CCDC141: variants seen among roughly 807,000 people sequenced by gnomAD.
The protein encoded by CCDC141 is coiled-coil domain containing 141, also known as coiled-coil domain-containing protein 141.
In CCDC141, 168 loss-of-function variants were observed where a neutral mutation model predicts 181.0. That is an observed-to-expected ratio of 0.93 (90% confidence interval 0.82 to 1.05). The LOEUF (loss-of-function observed/expected upper bound fraction) is 1.05, where lower values mean the gene tolerates loss of function less well. Ranked by LOEUF, CCDC141 falls within the 50% of genes least tolerant of loss-of-function variation. The pLI, the probability that CCDC141 is intolerant of heterozygous loss-of-function variation, is 0.00. For synonymous variants in CCDC141, 666 were observed against 642.3 expected, an observed-to-expected ratio of 1.04 and a Z score of -0.56; for missense variants, 1,902 against 1,788.5, an observed-to-expected ratio of 1.06 and a Z score of -1.14.
At chr2:178,867,326 T>C (rs1685898088) in intron 16 of CCDC141, among the ~76,000 whole-genome samples, 1 of 152,156 alleles carries the variant, frequency 6.6e-6, no homozygotes, top group Non-Finnish European at 1.5e-5. Context: ...ACACAAACAA[T>C]TTAAAATTGT....
intron 2 of CCDC141, among the ~76,000 whole-genome samples, chr2:178,989,124 A>T (rs1293705585): frequency 6.6e-6 from 1 of 152,212 alleles, no homozygotes; most frequent in Non-Finnish European, 1.5e-5. Context: ...CCAGTAGCAT[A>T]AGCAACAACA....
intron 7 of CCDC141, among the ~76,000 whole-genome samples, chr2:178,909,599 T>G (rs904393280): frequency 6.6e-6 from 1 of 152,208 alleles, no homozygotes; most frequent in African/African-American, 2.4e-5. Context: ...CTTATTCCCA[T>G]GCAGAATTTG....
intron 8 of CCDC141, among the ~76,000 whole-genome samples, chr2:178,897,952 G>T (rs1348889121): frequency 6.6e-6 from 1 of 152,096 alleles, no homozygotes; most frequent in Non-Finnish European, 1.5e-5. Flanking sequence ...CTTTAGACTT[G>T]GTTCTCAAGG....
At chr2:179,015,381 C>A (rs1161789925) in intron 2 of CCDC141, among the ~76,000 whole-genome samples, 3 of 136,824 alleles carry the variant, frequency 2.2e-5, no homozygotes, top group East Asian at 2.2e-4. Context: ...TCATATATAT[C>A]TCATATATGT....
At chr2:179,047,471 C>CA (rs2043536430) in intron 1 of CCDC141, 65 bp from the exon 2 acceptor site, 1 of 1,297,028 alleles carries the variant, frequency 7.7e-7, no homozygotes, top group East Asian at 2.8e-5. Context: ...TCACCCTTCT[C>CA]ATTTTTAATA....
At chr2:178,982,771 G>C (rs983238382) in intron 2 of CCDC141, among the ~76,000 whole-genome samples, 5 of 152,196 alleles carry the variant, frequency 3.3e-5, no homozygotes, top group African/African-American at 1.2e-4. Flanking sequence ...CTTAAAAAAA[G>C]GCGCACCACG....
intron 7 of CCDC141, 96 bp from the exon 8 acceptor site, chr2:178,905,597 ATT>A: frequency 9.1e-7 from 1 of 1,096,238 alleles, no homozygotes; most frequent in South Asian, 1.8e-5. Context: ...AGGCCAAACA[ATT>A]TGTTAGTTTC....
intron 2 of CCDC141, among the ~76,000 whole-genome samples, chr2:179,030,242 A>G (rs2154386766): frequency 6.6e-6 from 1 of 152,232 alleles, no homozygotes; most frequent in East Asian, 1.9e-4. Flanking sequence ...CATTTTCCAA[A>G]TATGCTAACA....
intron 19 of CCDC141, among the ~76,000 whole-genome samples, chr2:178,853,956 G>A (rs1039591170): frequency 6.6e-6 from 1 of 152,164 alleles, no homozygotes; most frequent in Admixed American, 6.5e-5. Context: ...AGAACAGGCA[G>A]GATAAAAAGC....
intron 6 of CCDC141, among the ~76,000 whole-genome samples, chr2:178,922,291 T>C (rs1490276586): frequency 1.3e-5 from 2 of 152,212 alleles, no homozygotes; most frequent in East Asian, 3.8e-4. Context: ...ATGGAGTAAC[T>C]GGGGCCAAGG....
chr2:178,968,040 T>A (rs1389741884), intron 4 of CCDC141, among the ~76,000 whole-genome samples: 1 of 152,124 alleles, frequency 6.6e-6, no homozygotes. Flanking sequence ...GAGCTAACTA[T>A]CCTAAATATA....
chr2:178,849,158 G>C (rs1164064533), intron 21 of CCDC141, among the ~76,000 whole-genome samples: 6 of 152,140 alleles, frequency 3.9e-5, no homozygotes, highest in Admixed American at 1.3e-4. Flanking sequence ...AGAAAAAAGA[G>C]GCTGCTAGAA....
chr2:178,867,787 C>T (rs1471746380), intron 16 of CCDC141, among the ~76,000 whole-genome samples: 1 of 152,082 alleles, frequency 6.6e-6, no homozygotes, highest in Non-Finnish European at 1.5e-5. Context: ...TATATAAATA[C>T]TCTTTAAAAA....
intron 2 of CCDC141, among the ~76,000 whole-genome samples, chr2:179,035,934 T>C (rs2154387387): frequency 6.6e-6 from 1 of 152,326 alleles, no homozygotes; most frequent in Middle Eastern, 3.4e-3. Flanking sequence ...TCCTGAGTAC[T>C]GGGTCTTTTC....
intron 2 of CCDC141, among the ~76,000 whole-genome samples, chr2:179,013,436 T>C (rs1385781146): frequency 1.3e-5 from 2 of 151,956 alleles, no homozygotes; most frequent in Non-Finnish European, 2.9e-5. Flanking sequence ...CAAGGAAAAC[T>C]ACAAAACACT....
intron 7 of CCDC141, among the ~76,000 whole-genome samples, chr2:178,916,950 T>TA (rs1553483739): frequency 9.9e-5 from 15 of 150,886 alleles, no homozygotes; most frequent in East Asian, 3.9e-4. Context: ...TTTTTTTTTT[T>TA]AAAAAAAAGG....
At chr2:179,006,802 T>A (rs765852810) in intron 2 of CCDC141, among the ~76,000 whole-genome samples, 3 of 152,244 alleles carry the variant, frequency 2.0e-5, no homozygotes, top group Non-Finnish European at 2.9e-5. Context: ...CATTAAAGAC[T>A]GATTTTTCTT....
At position 178,905,401 on chromosome 2, in the gene CCDC141, CT is replaced by C; in HGVS notation, c.1192del (p.Arg398GlufsTer17). On this transcript the variant is annotated frameshift_variant, in exon 8 of 24. Coordinates refer to ENST00000443758, the MANE Select transcript of CCDC141 (RefSeq NM_173648.4). LOFTEE classifies it high-confidence loss of function. ...VLAVRHEELH[R>X]KIKDCTTDAL... ...ATCAGTTGTGCAGTCTTTAATTTTT[CT>C]GTGTAATTCCTCATGCCTCACTGCC... is the stretch of plus-strand genomic sequence containing the variant. 2 of 1,550,790 alleles carry C rather than the reference CT, an allele frequency of 1.3e-6. No homozygotes were observed. The highest frequency in any genetic ancestry group is 1.7e-6 in the Non-Finnish European group (2 of 1,146,970).
chr2:179,005,015 A>G (rs2042084255), intron 2 of CCDC141, among the ~76,000 whole-genome samples: 1 of 152,204 alleles, frequency 6.6e-6, no homozygotes, highest in Non-Finnish European at 1.5e-5. Flanking sequence ...TACTGGCATG[A>G]GCCACCGCCC....
Sources: allele counts gnomAD v4.1 joint callset (sites outside exome capture counted in the v4.1 genomes callset), GRCh38; gene constraint gnomAD v4.1.1; transcripts MANE v1.5; gene names NCBI Gene and HGNC (gene_info 2026-07-23, HGNC 2026-07-21).